EMC10: variants seen among roughly 807,000 people sequenced by gnomAD.
EMC10 encodes the protein UPF0510 protein INM02.
A neutral mutation model predicts 32.2 loss-of-function variants in EMC10; 40 were observed. The ratio of observed to expected loss-of-function variants is 1.24; its 90% CI spans 0.96 to 1.61. EMC10 has a LOEUF of 1.61. EMC10 is among the 40% of genes most tolerant of loss of function. The probability of loss-of-function intolerance (pLI) is 0.00; values close to 1 mark genes in which losing one functional copy is unlikely to be tolerated. For missense variants in EMC10, 402 were observed against 357.7 expected, an observed-to-expected ratio of 1.12 and a Z score of -1.00; for synonymous variants, 178 against 158.4, an observed-to-expected ratio of 1.12 and a Z score of -0.93.
chr19:50,485,524 C>T lies in EMC10; in HGVS notation c.*3265C>T, dbSNP rs2040380446. Reference sequence around the variant, plus strand: ...ACCTGCCCAACCTCATGGACCAGAGCACTGCCCTGTCCCAATCACGTTCTC... The same window carrying T: ...ACCTGCCCAACCTCATGGACCAGAGTACTGCCCTGTCCCAATCACGTTCTC... On this transcript the variant is annotated 3_prime_UTR_variant, in exon 7 of 7. Transcript: ENST00000334976. 6.6e-6 allele frequency: 1 copy of T among 152,426 alleles called. No individual in the cohort carries two copies. 9.4% of individuals were successfully genotyped at this position (152,426 alleles called of 1,614,324 possible).
rs2040291035 is a variant in EMC10 at position 50,480,002 on chromosome 19, T to C, written c.298-109T>C. 8.3e-6 allele frequency: 7 copies of C among 846,068 alleles called. No individual in the cohort carries two copies. The South Asian group carries it at 1.2e-4, about 15-fold the overall frequency. The allele number at this position is 846,068 out of a possible 1,614,324, so 52.4% of individuals were successfully genotyped here. Reference sequence around the variant, plus strand: ...TGGCTGGCCTGGGGAGTGTGGGCCGTGAGGTGGGTGGGGCTGGAGAGGGGC... The same window carrying C: ...TGGCTGGCCTGGGGAGTGTGGGCCGCGAGGTGGGTGGGGCTGGAGAGGGGC... On this transcript the variant is annotated intron_variant, in intron 3 of 6. Transcript: ENST00000334976. This position sits in a 1 kb window ranked among gnomAD's most constrained non-coding sequence, Gnocchi z 4.4.
At position 50,477,992 on chromosome 19, in the gene EMC10, T is replaced by A. The variant is rs145536817; in HGVS notation, c.178T>A (p.Phe60Ile). The A allele has an allele frequency of 7.0e-5, 113 of 1,604,126 alleles. No individual in the cohort carries two copies. In the Admixed American group the frequency reaches 1.3e-3, roughly 18 times the overall value. ...GTVGLLLEHS[F>I]EIDDSANFRK... ...GGTGGGGCTGCTGCTGGAGCACTCA[T>A]TTGAGATCGGTGAGTCAGGCAACGT... Residue 60 changes from phenylalanine to isoleucine, a missense_variant, in exon 2 of 7, where the codon TTT (phenylalanine) becomes ATT (isoleucine). By Grantham distance (21) the Phe-to-Ile change is conservative (BLOSUM62 0). Transcript: ENST00000334976.
chr19:50,482,230 G>A lies in EMC10; in HGVS notation c.760G>A (p.Gly254Arg). 1 of 981,806 alleles carries A rather than the reference G, an allele frequency of 1.0e-6. No homozygotes were observed. The highest frequency in any genetic ancestry group is 1.5e-6 in the Non-Finnish European group (1 of 648,444). 60.8% of individuals were successfully genotyped at this position (981,806 alleles called of 1,614,324 possible). A position where few individuals can be genotyped will look rare whatever the true frequency, so the allele number is the denominator to read the frequency against. ...DTGGQGGGGG[G>R]GGGGGSGR is the part of the protein sequence containing the mutation. ...CGGGGGCCAGGGTGGGGGTGGGGGT[G>A]GGGGTGGTGGTGGGGGTAGTGGCCG... is the stretch of plus-strand genomic sequence containing the variant. Residue 254 changes from glycine (G) to arginine (R), a missense_variant, in exon 7 of 7, where the codon GGG (glycine) becomes AGG (arginine). By Grantham distance (125) the Gly-to-Arg change is moderately radical. Coordinates refer to ENST00000334976, the MANE Select transcript of EMC10 (RefSeq NM_206538.4).
chr19:50,482,567 C>A lies in EMC10; in HGVS notation c.*308C>A. On this transcript the variant is annotated 3_prime_UTR_variant, in exon 7 of 7. Coordinates refer to ENST00000334976, the MANE Select transcript of EMC10 (RefSeq NM_206538.4). ...TCCTGGCCACTATGCCAGTTCTGAC[C>A]TCGCATCCCCCTACCCCGAGCCCAT... The A allele has an allele frequency of 3.8e-6, 2 of 532,692 alleles. No homozygotes were observed. 33.0% of individuals were successfully genotyped at this position (532,692 alleles called of 1,614,324 possible).
chr19:50,481,907 C>A, intron 6 of EMC10: 3 of 1,603,388 alleles, frequency 1.9e-6, no homozygotes, highest in Non-Finnish European at 2.5e-6. Flanking sequence ...GCCCTGCGTC[C>A]TGCTGCGCCA....
chr19:50,477,858 G>C (rs2040252942), intron 1 of EMC10, 71 bp from the exon 2 acceptor site: 1 of 1,247,158 alleles, frequency 8.0e-7, no homozygotes, highest in Non-Finnish European at 1.1e-6. Flanking sequence ...TGTCTGTCCT[G>C]GGTTCTGTGG....
rs776388263 is a variant in EMC10 at position 50,480,964 on chromosome 19, T to C, written c.665T>C (p.Phe222Ser). ...AAGAACCCCCAGGAGCAGAAGTCCT[T>C]CTTCGCCAAATACGTGAGTGGGGCT... ...KAKNPQEQKS[F>S]FAKYWMYIIP... The change falls in exon 6 of 7, where the codon TTC becomes TCC. Residue 222 changes from phenylalanine to serine, a missense_variant. Phe to Ser is a radical substitution (Grantham distance 155, BLOSUM62 -2). Coordinates refer to ENST00000334976, the MANE Select transcript of EMC10 (RefSeq NM_206538.4). This position sits in a 1 kb window ranked among gnomAD's most constrained non-coding sequence, Gnocchi z 4.4. The C allele has an allele frequency of 1.2e-6, 2 of 1,611,940 alleles. No homozygotes were observed. The highest frequency in any genetic ancestry group is 1.7e-6 in the Non-Finnish European group (2 of 1,178,522).
rs954097855 is a variant in EMC10 at position 50,484,174 on chromosome 19, C to T, written c.*1915C>T. On this transcript the variant is annotated 3_prime_UTR_variant, in exon 7 of 7. Coordinates refer to ENST00000334976, the MANE Select transcript of EMC10 (RefSeq NM_206538.4). The stretch of plus-strand genomic sequence containing the variant: ...TCCCAAATAGCGGGGATTGCAGGCG[C>T]CCGCCAACACACCTGGCTAATTTTT... 6.6e-6 allele frequency: 1 copy of T among 151,772 alleles called. No homozygotes were observed. The highest frequency in any genetic ancestry group is 1.9e-4 in the East Asian group (1 of 5,162). The allele number at this position is 151,772 out of a possible 1,614,324, so 9.4% of individuals were successfully genotyped here. A position where few individuals can be genotyped will look rare whatever the true frequency, so the allele number is the denominator to read the frequency against.
Position 50,481,786 on chromosome 19 carries a change from G to A in EMC10, c.679-363G>A, listed in dbSNP as rs887604810. 4.1e-5 allele frequency: 55 copies of A among 1,335,934 alleles called. No homozygotes were observed. In the Middle Eastern group the frequency reaches 1.5e-3, roughly 36 times the overall value. 82.8% of individuals were successfully genotyped at this position (1,335,934 alleles called of 1,614,324 possible). A position where few individuals can be genotyped will look rare whatever the true frequency, so the allele number is the denominator to read the frequency against. On this transcript the variant is annotated intron_variant, in intron 6 of 6. Transcript: ENST00000334976. ...GCCCTGCCCTGCTGCCCACTCGAGC[G>A]CCCTCCCACTCCCTGCTGGCCCTCA...
rs2040305756 is a variant in EMC10, at chr19:50,480,718, G to A, written c.540G>A (p.Leu180=). 4 of 1,605,868 alleles carry A rather than the reference G, an allele frequency of 2.5e-6. No homozygotes were observed. The highest frequency in any genetic ancestry group is 3.4e-6 in the Non-Finnish European group (4 of 1,177,134). The change falls in exon 5 of 7, where the codon CTG becomes CTA. Residue 180 remains leucine, a synonymous_variant. Coordinates refer to ENST00000334976, the MANE Select transcript of EMC10 (RefSeq NM_206538.4). The surrounding 1 kb of genome is among the most constrained non-coding windows in gnomAD (Gnocchi z 4.4). The part of the protein sequence containing the change: ...GHEVEDVDLE[L]FNTSVQLQPP... ...AGGTGGAGGACGTGGACCTGGAGCT[G>A]TTCAACACCTCGGTGCAGCTGCAGC...
In EMC10 at chr19:50,482,985, T is replaced by G. The variant is rs1232452709; in HGVS notation, c.*726T>G. The G allele has an allele frequency of 1.7e-6, 1 of 575,616 alleles. No individual in the cohort carries two copies. The highest frequency in any genetic ancestry group is 3.2e-6 in the Non-Finnish European group (1 of 315,714). The allele number at this position is 575,616 out of a possible 1,614,324, so 35.7% of individuals were successfully genotyped here. A position where few individuals can be genotyped will look rare whatever the true frequency, so the allele number is the denominator to read the frequency against. On this transcript the variant is annotated 3_prime_UTR_variant, in exon 7 of 7. Coordinates refer to ENST00000334976, the MANE Select transcript of EMC10 (RefSeq NM_206538.4). ...AAAACAAAACCAACAGTTAGTGGAG[T>G]CAAAGCCCAGACACTGTAAATAGAA...
At position 50,488,560 on chromosome 19, in the gene EMC10, G is replaced by C. The variant is rs188339107; in HGVS notation, c.*6301G>C. On this transcript the variant is annotated 3_prime_UTR_variant, in exon 7 of 7. Coordinates refer to ENST00000334976, the MANE Select transcript of EMC10 (RefSeq NM_206538.4). ...TAGGGAGAAGTGGGTGGGGGAGAGG[G>C]TGTTGGGGGAGAAGAGGGTGGGGGA... 7.3e-6 allele frequency: 1 copy of C among 137,582 alleles called. No individual in the cohort carries two copies. The allele number at this position is 137,582 out of a possible 1,614,324, so 8.5% of individuals were successfully genotyped here. A position where few individuals can be genotyped will look rare whatever the true frequency, so the allele number is the denominator to read the frequency against.
intron 1 of EMC10, 169 bp downstream of exon 1, chr19:50,476,827 A>C: frequency 1.9e-6 from 1 of 524,418 alleles, no homozygotes; most frequent in East Asian, 3.5e-5. Context: ...GGGCCTCGCC[A>C]GTGCACCGGG....
chr19:50,479,100 G>A (rs2040277337), intron 3 of EMC10, 34 bp downstream of exon 3: 1 of 1,514,002 alleles, frequency 6.6e-7, no homozygotes, highest in Non-Finnish European at 9.0e-7. Flanking sequence ...GGTGTGGATG[G>A]GGATGGAGGG....
Position 50,480,063 on chromosome 19 carries a change from A to G in EMC10, c.298-48A>G, listed in dbSNP as rs990289948. 8 of 1,494,640 alleles carry G rather than the reference A, an allele frequency of 5.4e-6. No homozygotes were observed. In the African/African-American group the frequency reaches 8.3e-5, roughly 15 times the overall value. 92.6% of individuals were successfully genotyped at this position (1,494,640 alleles called of 1,614,324 possible). ...GCCTGGTGGGCATCACAGCCTGTCCAGGGCTGACACCATCCTTCTGACCAG... is the reference window on the plus strand; with the variant it reads ...GCCTGGTGGGCATCACAGCCTGTCCGGGGCTGACACCATCCTTCTGACCAG... On this transcript the variant is annotated intron_variant, in intron 3 of 6. Coordinates refer to ENST00000334976, the MANE Select transcript of EMC10 (RefSeq NM_206538.4). The surrounding 1 kb of genome is among the most constrained non-coding windows in gnomAD (Gnocchi z 4.4).
chr19:50,490,664 C>A lies in EMC10; in HGVS notation c.*8405C>A, dbSNP rs1172618786. 1 of 152,118 alleles carries A rather than the reference C, an allele frequency of 6.6e-6. No homozygotes were observed. Among genetic ancestry groups the A allele is most frequent in the Non-Finnish European group, 1.5e-5 (1 of 68,052 alleles). The allele number at this position is 152,118 out of a possible 1,614,324, so 9.4% of individuals were successfully genotyped here. A position where few individuals can be genotyped will look rare whatever the true frequency, so the allele number is the denominator to read the frequency against. On this transcript the variant is annotated 3_prime_UTR_variant, in exon 7 of 7. Transcript: ENST00000334976. ...GCCTGGGCTCGGAGGAACATGCCCT[C>A]CGCCTAGTCCCTGACATCCTTTTCA...
chr19:50,478,536 G>C (rs746226830), intron 2 of EMC10, among the ~76,000 whole-genome samples: 17 of 152,182 alleles, frequency 1.1e-4, no homozygotes, highest in Non-Finnish European at 2.4e-4. Context: ...CCCCGAACCT[G>C]AGGGCACAAA....
At position 50,480,388 on chromosome 19, in the gene EMC10, C is replaced by T. The variant is rs368185889; in HGVS notation, c.402+173C>T. Among the ~76,000 whole-genome samples, 16 of 152,248 alleles carry T rather than the reference C, an allele frequency of 1.1e-4. No homozygotes were observed. The highest frequency in any genetic ancestry group is 8.3e-4 in the South Asian group (4 of 4,824). On this transcript the variant is annotated intron_variant, in intron 4 of 6. Transcript: ENST00000334976. This position sits in a 1 kb window ranked among gnomAD's most constrained non-coding sequence, Gnocchi z 4.4. Reference sequence around the variant, plus strand: ...GGTCTGGAGGGGTCGGTCCAGGTAGCGGGTGCTTTCATGGGGATAGCATTG... The same window carrying T: ...GGTCTGGAGGGGTCGGTCCAGGTAGTGGGTGCTTTCATGGGGATAGCATTG...
At position 50,480,192 on chromosome 19, in the gene EMC10, T is replaced by C. The variant is rs2040295097; in HGVS notation, c.379T>C (p.Tyr127His). Residue 127 changes from tyrosine to histidine, a missense_variant, in exon 4 of 7, where the codon TAT (tyrosine) becomes CAT (histidine). By Grantham distance (83) the Tyr-to-His change is moderately conservative. Coordinates refer to ENST00000334976, the MANE Select transcript of EMC10 (RefSeq NM_206538.4). The surrounding 1 kb of genome is among the most constrained non-coding windows in gnomAD (Gnocchi z 4.4). ...GALDGLEAGGYVSSFVPACSL... is the reference protein window; with the variant it reads ...GALDGLEAGGHVSSFVPACSL... ...CCTGGATGGCCTGGAAGCTGGTGGC[T>C]ATGTCTCCTCCTTTGTCCCTGCGGT... 2.5e-6 allele frequency: 4 copies of C among 1,613,878 alleles called. No individual in the cohort carries two copies. Among genetic ancestry groups the C allele is most frequent in the Non-Finnish European group, 3.4e-6 (4 of 1,179,928 alleles).
Sources: allele counts gnomAD v4.1 joint callset (sites outside exome capture counted in the v4.1 genomes callset), GRCh38; gene constraint gnomAD v4.1.1; non-coding constraint Gnocchi (gnomAD v3.1); transcripts MANE v1.5; gene names NCBI Gene and HGNC (gene_info 2026-07-23, HGNC 2026-07-21).